The following ZNRF3 variants were observed in gnomAD, a reference collection of about 807,000 sequenced individuals.
ZNRF3 encodes zinc and ring finger 3.
A neutral mutation model predicts 72.5 loss-of-function variants in ZNRF3; 23 were observed. That is an observed-to-expected ratio of 0.32 (90% confidence interval 0.23 to 0.45). ZNRF3 has a LOEUF of 0.45. ZNRF3 is among the 20% of genes least tolerant of loss of function. ZNRF3 has a pLI of 1.00. For synonymous variants in ZNRF3, 610 were observed against 545.3 expected, an observed-to-expected ratio of 1.12 and a Z score of -1.65; for missense variants, 1,169 against 1,272.1, an observed-to-expected ratio of 0.92 and a Z score of 1.23.
In ZNRF3 at chr22:29,033,350, CAAAAAAAAAAA is replaced by C. The variant is rs60310622; in HGVS notation, c.427-9133_427-9123del. On this transcript the variant is annotated intron_variant, in intron 2 of 8. Coordinates refer to ENST00000544604, the MANE Select transcript of ZNRF3 (RefSeq NM_001206998.2). ...TGGGCGACAGAGTGAGACTCCATCT[CAAAAAAAAAAA>C]AAAAAAAAAAAGGCTCAATATAGTT... 3.0e-5 allele frequency among the ~76,000 whole-genome samples: 2 copies of C among 66,140 alleles called. 1 individual carries two copies. Among genetic ancestry groups the C allele is most frequent in the South Asian group, 1.2e-3 (2 of 1,604 alleles). 43.4% of individuals were successfully genotyped at this position (66,140 alleles called of 152,430 possible).
intron 1 of ZNRF3, among the ~76,000 whole-genome samples, chr22:28,962,934 T>TGGCTTGTA (rs1399983449): frequency 4.3e-4 from 65 of 152,344 alleles, no homozygotes; most frequent in African/African-American, 1.5e-3. Context: ...ACCCTGAACA[T>TGGCTTGTA]CCTTTTGGAA....
intron 8 of ZNRF3, among the ~76,000 whole-genome samples, chr22:29,052,199 C>A (rs1263533404): frequency 6.6e-6 from 1 of 152,192 alleles, no homozygotes; most frequent in Non-Finnish European, 1.5e-5. Context: ...CCAAATGTAT[C>A]TACTTCTCTG....
intron 1 of ZNRF3, among the ~76,000 whole-genome samples, chr22:28,922,679 C>T (rs1206069165): frequency 6.6e-6 from 1 of 152,194 alleles, no homozygotes; most frequent in Non-Finnish European, 1.5e-5. Context: ...AGTCCCTCTG[C>T]GTTCTGGCCT....
intron 1 of ZNRF3, among the ~76,000 whole-genome samples, chr22:28,913,907 T>C (rs182575757): frequency 7.2e-5 from 11 of 152,192 alleles, no homozygotes; most frequent in Admixed American, 4.6e-4. Flanking sequence ...GCAGATAAGA[T>C]AGAGGAGTCC....
chr22:28,973,907 A>C (rs553029299), intron 1 of ZNRF3, among the ~76,000 whole-genome samples: 15 of 152,028 alleles, frequency 9.9e-5, no homozygotes, highest in Middle Eastern at 3.4e-3. Context: ...GAAATTCTCC[A>C]AATATCAGGA....
At position 28,925,099 on chromosome 22, in the gene ZNRF3, C is replaced by T. The variant is rs997118775; in HGVS notation, c.300+41033C>T. ...CCATACATACCTCCATGAGTGAAAT[C>T]GTGGTCATATTCTGTTTTCTTGCTT... is the stretch of plus-strand genomic sequence containing the variant. On this transcript the variant is annotated intron_variant, in intron 1 of 8. Transcript: ENST00000544604. 4.6e-5 allele frequency among the ~76,000 whole-genome samples: 7 copies of T among 152,286 alleles called. No homozygotes were observed. In the East Asian group the frequency reaches 1.2e-3, roughly 25 times the overall value.
At chr22:29,025,263 T>G (rs1166019140) in intron 2 of ZNRF3, 1 of 152,196 alleles carries the variant, frequency 6.6e-6, no homozygotes, top group African/African-American at 2.4e-5. Flanking sequence ...ATTACAGATG[T>G]GAGCCACCAT....
chr22:29,031,110 C>T (rs2036742270), intron 2 of ZNRF3: 1 of 152,368 alleles, frequency 6.6e-6, no homozygotes, highest in Non-Finnish European at 1.5e-5. Context: ...TCCTGTAGGC[C>T]GTAGATTAAG....
chr22:28,956,008 G>A (rs1307681886), intron 1 of ZNRF3, among the ~76,000 whole-genome samples: 1 of 152,196 alleles, frequency 6.6e-6, no homozygotes, highest in African/African-American at 2.4e-5. Flanking sequence ...ATGTGGGGGT[G>A]CGGAGGATTA....
rs1223415452 is a variant in ZNRF3, at chr22:29,050,430, C to T, written c.2249C>T (p.Pro750Leu). The T allele has an allele frequency of 1.2e-6, 2 of 1,608,826 alleles. No individual in the cohort carries two copies. The highest frequency in any genetic ancestry group is 2.2e-5 in the East Asian group (1 of 44,748). Residue 750 changes from proline (P) to leucine (L), a missense_variant, in exon 8 of 9, where the codon CCC becomes CTC. Around this residue, in one of 2 missense-constraint regions of ZNRF3, gnomAD observed 783 missense variants for 731.4 expected, o/e 1.07. Coordinates refer to ENST00000544604, the MANE Select transcript of ZNRF3 (RefSeq NM_001206998.2). ...GGCTCTGGCCCGGCGGGTGGGGAGC[C>T]CCAGTCAGGAAGCTCCCAGGGCTTG... ...YEGSGPAGGE[P>L]QSGSSQGLYG... is the part of the protein sequence containing the mutation.
chr22:28,981,072 T>G (rs1456080714), intron 1 of ZNRF3, among the ~76,000 whole-genome samples: 1 of 152,230 alleles, frequency 6.6e-6, no homozygotes, highest in Non-Finnish European at 1.5e-5. Flanking sequence ...CTTAACACCA[T>G]ACACGGAAGT....
intron 2 of ZNRF3, among the ~76,000 whole-genome samples, chr22:28,999,076 G>T (rs2036096583): frequency 6.6e-6 from 1 of 151,344 alleles, no homozygotes; most frequent in Non-Finnish European, 1.5e-5. Context: ...CCAACACTTT[G>T]AGAGGCAGAG....
rs2036021864 is a variant in ZNRF3 at position 28,994,870 on chromosome 22, G to A, written c.426+7669G>A. Among the ~76,000 whole-genome samples the A allele has an allele frequency of 4.6e-5, 7 of 152,328 alleles. 1 individual carries two copies. Among genetic ancestry groups the A allele is most frequent in the Admixed American group, 4.6e-4 (7 of 15,302 alleles). ...AAGCGATGGAGCATAGTTGCTCCAGGAAAGAAGTGGGTGACTGATGTTACT... is the reference window on the plus strand; with the variant it reads ...AAGCGATGGAGCATAGTTGCTCCAGAAAAGAAGTGGGTGACTGATGTTACT... On this transcript the variant is annotated intron_variant, in intron 2 of 8. Transcript: ENST00000544604.
rs149524442 is a variant in ZNRF3, at chr22:28,891,073, A to G, written c.300+7007A>G. Among the ~76,000 whole-genome samples the G allele has an allele frequency of 6.1e-3, 924 of 152,208 alleles. 8 individuals are homozygous for G. Among genetic ancestry groups the G allele is most frequent in the South Asian group, 0.015 (70 of 4,820 alleles). ...TATCTGGTCAGAACTTTGCTTCTTG[A>G]TGGTATTTTCCCAAGTCTGGAGAGT... On this transcript the variant is annotated intron_variant, in intron 1 of 8. Transcript: ENST00000544604.
chr22:28,896,598 T>G (rs1167075803), intron 1 of ZNRF3, among the ~76,000 whole-genome samples: 2 of 152,242 alleles, frequency 1.3e-5, no homozygotes, highest in East Asian at 1.9e-4. Flanking sequence ...ATTTGTATAC[T>G]TTTCTTTAAA....
intron 1 of ZNRF3, among the ~76,000 whole-genome samples, chr22:28,890,224 G>A (rs1395680915): frequency 1.3e-5 from 2 of 152,194 alleles, no homozygotes; most frequent in Admixed American, 6.5e-5. Flanking sequence ...GATCTGGCCC[G>A]GTGTGGTGGC....
In ZNRF3 at chr22:28,883,858, TGCCGCC is replaced by T. The variant is rs958418836; in HGVS notation, c.104_109del (p.Pro35_Pro36del). On this transcript the variant is annotated inframe_deletion, in exon 1 of 9. Coordinates refer to ENST00000544604, the MANE Select transcript of ZNRF3 (RefSeq NM_001206998.2). This position sits in a 1 kb window ranked among gnomAD's most constrained non-coding sequence, Gnocchi z 5.5. ...CCCCGCGGCCTCCGGTGCAGCCGCCTGCCGCCGCCGCCGCCGCTGCCGCTGCTGCTC... is the reference window on the plus strand; with the variant it reads ...CCCCGCGGCCTCCGGTGCAGCCGCCTGCCGCCGCCGCTGCCGCTGCTGCTC... The T allele has an allele frequency of 7.0e-6, 7 of 993,174 alleles. No homozygotes were observed. Among genetic ancestry groups the T allele is most frequent in the African/African-American group, 1.8e-5 (1 of 55,822 alleles). 61.5% of individuals were successfully genotyped at this position (993,174 alleles called of 1,614,324 possible).
chr22:29,006,717 A>G (rs117431335), intron 2 of ZNRF3, among the ~76,000 whole-genome samples: 1,963 of 152,230 alleles, frequency 0.013, 40 homozygotes, highest in East Asian at 0.061. Flanking sequence ...AAGTGCACCT[A>G]TTTGGTATTA....
At chr22:28,916,636 A>G (rs1354654237) in intron 1 of ZNRF3, among the ~76,000 whole-genome samples, 1 of 152,186 alleles carries the variant, frequency 6.6e-6, no homozygotes, top group African/African-American at 2.4e-5. Flanking sequence ...GACTAAAGGC[A>G]TCCTCTTAAT....
Sources: allele counts gnomAD v4.1 joint callset (sites outside exome capture counted in the v4.1 genomes callset), GRCh38; gene constraint gnomAD v4.1.1; regional missense constraint gnomAD v4.1.1; non-coding constraint Gnocchi (gnomAD v3.1); transcripts MANE v1.5; gene names NCBI Gene and HGNC (gene_info 2026-07-23, HGNC 2026-07-21).